The following DPY19L1 variants were observed in gnomAD, a reference collection of about 807,000 sequenced individuals.
The protein encoded by DPY19L1 is dpy-19 like C-mannosyltransferase 1.
DPY19L1 carries 35 observed loss-of-function variants against 96.9 expected under a neutral mutation model. The ratio of observed to expected loss-of-function variants is 0.36; its 90% CI spans 0.28 to 0.48. The LOEUF is 0.48. Among genes scored for constraint, DPY19L1 ranks in the 20% least tolerant of loss-of-function variants. The pLI, the probability that DPY19L1 is intolerant of heterozygous loss-of-function variation, is 0.99. For synonymous variants in DPY19L1, 205 were observed against 252.6 expected (o/e 0.81, Z 1.79); for missense variants, 521 against 777.9 (o/e 0.67, Z 3.93).
In DPY19L1 at chr7:34,966,786, G is replaced by A. The variant is rs181686859; in HGVS notation, c.1092+108C>T. On this transcript the variant is annotated intron_variant, in intron 10 of 21. Transcript: ENST00000638088. ...ATATCACAATGTTTGAACAACATTT[G>A]TTTTAGTTATGAAATTGTTACAACT... 1,700 of 1,054,376 alleles carry A rather than the reference G, an allele frequency of 1.6e-3. 13 individuals carry two copies. The African/African-American group carries it at 0.021, about 13-fold the overall frequency. The allele number at this position is 1,054,376 out of a possible 1,614,324, so 65.3% of individuals were successfully genotyped here.
At chr7:34,950,017 G>C (rs1158669078) in intron 13 of DPY19L1, 119 bp from the exon 14 acceptor site, 1 of 513,128 alleles carries the variant, frequency 1.9e-6, no homozygotes, top group South Asian at 2.6e-5. Flanking sequence ...CCCACACCAA[G>C]CCTGCTTTTG....
chr7:34,940,132 T>C lies in DPY19L1; in HGVS notation c.1864+21A>G, dbSNP rs780510579. On this transcript the variant is annotated intron_variant, in intron 19 of 21. Transcript: ENST00000638088. ...AAACAGCTAAATAATATGACTTTTT[T>C]TTTCTTTTTTTTTTTTTTACCTGGT... 1.6e-4 allele frequency: 227 copies of C among 1,461,384 alleles called. No individual in the cohort carries two copies. The Middle Eastern group carries it at 1.8e-3, about 12-fold the overall frequency. The allele number at this position is 1,461,384 out of a possible 1,614,324, so 90.5% of individuals were successfully genotyped here. A position where few individuals can be genotyped will look rare whatever the true frequency, so the allele number is the denominator to read the frequency against.
In DPY19L1 at chr7:34,958,064, G is replaced by A; in HGVS notation, c.1099C>T (p.Leu367Phe). The change falls in exon 11 of 22, where the codon CTT (leucine) becomes TTT (phenylalanine). Residue 367 changes from leucine (L) to phenylalanine (F), a missense_variant. By Grantham distance (22) the Leu-to-Phe change is conservative. Transcript: ENST00000638088. Reference protein sequence around the residue: ...RKIIYIHMISLALCFVLMFGN... With the variant: ...RKIIYIHMISFALCFVLMFGN... ...AACATCAAAACAAAACAAAGTGCAA[G>A]AGAAATCTGGAAAAATCCAAGAAAA... 1.3e-6 allele frequency: 2 copies of A among 1,570,244 alleles called. No individual in the cohort carries two copies. Among genetic ancestry groups the A allele is most frequent in the Non-Finnish European group, 1.7e-6 (2 of 1,166,904 alleles).
chr7:34,963,724 G>A (rs887385186), intron 10 of DPY19L1, among the ~76,000 whole-genome samples: 5 of 151,668 alleles, frequency 3.3e-5, no homozygotes, highest in Admixed American at 2.6e-4. Context: ...GTGTGTGTGT[G>A]TCTGTGTACA....
intron 9 of DPY19L1, among the ~76,000 whole-genome samples, chr7:34,968,889 C>T (rs1397005019): frequency 6.6e-6 from 1 of 150,790 alleles, no homozygotes; most frequent in Non-Finnish European, 1.5e-5. Flanking sequence ...CTCCCTCTCT[C>T]AACAAGCTAC....
intron 13 of DPY19L1, among the ~76,000 whole-genome samples, chr7:34,950,950 C>T (rs186972774): frequency 7.9e-5 from 12 of 151,952 alleles, no homozygotes; most frequent in Admixed American, 7.9e-4. Context: ...TAAAAGTATG[C>T]TGAAAGGTTG....
intron 6 of DPY19L1, among the ~76,000 whole-genome samples, chr7:34,991,176 C>T (rs552732660): frequency 1.3e-5 from 2 of 152,306 alleles, no homozygotes; most frequent in Admixed American, 6.5e-5. Context: ...CAGCATTAAA[C>T]GTTTGAGGAA....
intron 15 of DPY19L1, among the ~76,000 whole-genome samples, chr7:34,946,993 A>T (rs1784161788): frequency 6.6e-6 from 1 of 152,266 alleles, no homozygotes; most frequent in Non-Finnish European, 1.5e-5. Flanking sequence ...ACGTATCAGG[A>T]AACTTTTAAG....
intron 7 of DPY19L1, among the ~76,000 whole-genome samples, chr7:34,984,672 A>G (rs1259000477): frequency 5.9e-5 from 9 of 152,214 alleles, no homozygotes; most frequent in Non-Finnish European, 1.2e-4. Context: ...TAGCCTTCAT[A>G]AAATTATACA....
intron 6 of DPY19L1, among the ~76,000 whole-genome samples, chr7:35,001,033 C>A (rs1037786248): frequency 1.3e-5 from 2 of 152,126 alleles, no homozygotes; most frequent in African/African-American, 4.8e-5. Context: ...TCTGTGACCT[C>A]GGAAAAGTTA....
At chr7:35,017,474 C>A (rs1473444421) in intron 3 of DPY19L1, among the ~76,000 whole-genome samples, 3 of 120,090 alleles carry the variant, frequency 2.5e-5, no homozygotes, top group Non-Finnish European at 4.9e-5. Flanking sequence ...CGCAGTCCGG[C>A]CTGGGCGACA....
chr7:34,993,463 A>AT (rs1785216205), intron 6 of DPY19L1, among the ~76,000 whole-genome samples: 1 of 151,012 alleles, frequency 6.6e-6, no homozygotes, highest in African/African-American at 2.4e-5. Flanking sequence ...TTATCACACT[A>AT]TTTTTATTAC....
chr7:35,007,091 GAACT>G (rs1300317600), intron 6 of DPY19L1, among the ~76,000 whole-genome samples: 1 of 151,998 alleles, frequency 6.6e-6, no homozygotes, highest in South Asian at 2.1e-4. Context: ...AAAATATTAA[GAACT>G]AACTAGTAAT....
At chr7:34,971,581 T>C (rs1304688821) in intron 8 of DPY19L1, among the ~76,000 whole-genome samples, 2 of 152,090 alleles carry the variant, frequency 1.3e-5, no homozygotes, top group Admixed American at 6.5e-5. Flanking sequence ...AAATGCCAAC[T>C]GGAATATAAA....
chr7:34,932,498 T>A lies in DPY19L1; in HGVS notation c.2091-769A>T, dbSNP rs373024549. 1.3e-4 allele frequency among the ~76,000 whole-genome samples: 20 copies of A among 152,326 alleles called. No individual in the cohort carries two copies. In the South Asian group the frequency reaches 3.9e-3, roughly 30 times the overall value. On this transcript the variant is annotated intron_variant, in intron 21 of 21. Coordinates refer to ENST00000638088, the MANE Select transcript of DPY19L1 (RefSeq NM_001366673.1). ...TTGTATGGGTATTTGAAATATGCTT[T>A]CTACTGAATGCATATGGCTTTAACA...
intron 2 of DPY19L1, 117 bp downstream of exon 2, chr7:35,018,455 A>G (rs1785911922): frequency 5.7e-6 from 5 of 883,970 alleles, no homozygotes; most frequent in South Asian, 1.6e-5. Flanking sequence ...ATTGTGTTAC[A>G]TGTAATATAT....
intron 7 of DPY19L1, among the ~76,000 whole-genome samples, chr7:34,982,505 A>G (rs1420982464): frequency 7.2e-5 from 11 of 152,218 alleles, no homozygotes; most frequent in Admixed American, 6.5e-5. Context: ...AAAGCCGGAG[A>G]AAAAACAGTA....
At chr7:35,000,667 G>A (rs1423875621) in intron 6 of DPY19L1, 2 of 152,154 alleles carry the variant, frequency 1.3e-5, no homozygotes, top group Non-Finnish European at 2.9e-5. Flanking sequence ...AATATCAGCT[G>A]AAGAACAGCA....
Position 35,034,239 on chromosome 7 carries a change from G to A in DPY19L1, c.298+2858C>T, listed in dbSNP as rs1435290307. ...CATGCTTTGTTTGCATGTCTAATGG[G>A]TGTATCTTTTACTACCACAATTGTT... On this transcript the variant is annotated intron_variant, in intron 1 of 21. Coordinates refer to ENST00000638088, the MANE Select transcript of DPY19L1 (RefSeq NM_001366673.1). Among the ~76,000 whole-genome samples, 3 of 152,170 alleles carry A rather than the reference G, an allele frequency of 2.0e-5. No homozygotes were observed. In the East Asian group the frequency reaches 5.8e-4, roughly 29 times the overall value.
Sources: allele counts gnomAD v4.1 joint callset (sites outside exome capture counted in the v4.1 genomes callset), GRCh38; gene constraint gnomAD v4.1.1; transcripts MANE v1.5; gene names NCBI Gene and HGNC (gene_info 2026-07-23, HGNC 2026-07-21).